Variants in RAB3B observed in about 807,000 individuals in gnomAD.
The protein encoded by RAB3B is ras-related protein Rab-3B.
In RAB3B, 11 loss-of-function variants were observed where a neutral mutation model predicts 20.5. The observed-to-expected ratio is 0.54, with a 90% CI of 0.34 to 0.89. RAB3B has a LOEUF of 0.89. Ranked by LOEUF, RAB3B falls within the 40% of genes least tolerant of loss-of-function variation. RAB3B has a pLI of 0.02. For synonymous variants in RAB3B, 99 were observed against 106.3 expected, an observed-to-expected ratio of 0.93 and a Z score of 0.42; for missense variants, 225 against 280.9, an observed-to-expected ratio of 0.80 and a Z score of 1.42.
intron 4 of RAB3B, among the ~76,000 whole-genome samples, chr1:51,922,198 T>C (rs1447746970): frequency 1.3e-5 from 2 of 152,224 alleles, no homozygotes; most frequent in East Asian, 1.9e-4. Context: ...CCCCAGTCTT[T>C]GACTGCCTTA....
Position 51,914,526 on chromosome 1 carries a change from C to T in RAB3B, c.*5401G>A, listed in dbSNP as rs1222623505. On this transcript the variant is annotated 3_prime_UTR_variant, in exon 5 of 5. Transcript: ENST00000371655. Reference sequence around the variant, plus strand: ...AAGAACTGTGTCTAATTTGCCACTACTTGTATCCTGGCACATAATATATAT... The same window carrying T: ...AAGAACTGTGTCTAATTTGCCACTATTTGTATCCTGGCACATAATATATAT... 1 of 152,158 alleles carries T rather than the reference C, an allele frequency of 6.6e-6. No individual in the cohort carries two copies. The highest frequency in any genetic ancestry group is 1.5e-5 in the Non-Finnish European group (1 of 68,038). 9.4% of individuals were successfully genotyped at this position (152,158 alleles called of 1,614,324 possible).
At chr1:51,939,823 C>T (rs904199829) in intron 2 of RAB3B, among the ~76,000 whole-genome samples, 2 of 152,182 alleles carry the variant, frequency 1.3e-5, no homozygotes, top group Non-Finnish European at 2.9e-5. Context: ...GATCCTCCTG[C>T]CTCAGCCTCC....
In RAB3B at chr1:51,913,329, A is replaced by G. The variant is rs764295787; in HGVS notation, c.*6598T>C. The G allele has an allele frequency of 6.6e-6, 1 of 152,174 alleles. No individual in the cohort carries two copies. The highest frequency in any genetic ancestry group is 1.5e-5 in the Non-Finnish European group (1 of 68,050). The allele number at this position is 152,174 out of a possible 1,614,324, so 9.4% of individuals were successfully genotyped here. The stretch of plus-strand genomic sequence containing the variant: ...ACAGTTTTGCCACTTGTCTTTGGTG[A>G]TATCATCGGAGCCATGTTTTAAGAC... On this transcript the variant is annotated 3_prime_UTR_variant, in exon 5 of 5. Coordinates refer to ENST00000371655, the MANE Select transcript of RAB3B (RefSeq NM_002867.4).
intron 2 of RAB3B, among the ~76,000 whole-genome samples, chr1:51,970,876 T>C (rs1288708068): frequency 1.3e-5 from 2 of 151,500 alleles, no homozygotes; most frequent in Non-Finnish European, 2.9e-5. Context: ...CTGGGCTTGG[T>C]GGCTGGGACC....
At chr1:51,972,489 CTT>C (rs1160625371) in intron 2 of RAB3B, among the ~76,000 whole-genome samples, 54 of 130,820 alleles carry the variant, frequency 4.1e-4, no homozygotes, top group Non-Finnish European at 5.4e-4. Flanking sequence ...TTTCTTTTTT[CTT>C]TTTTTTTTTT....
chr1:51,954,656 T>C (rs1419031699), intron 2 of RAB3B, among the ~76,000 whole-genome samples: 1 of 152,144 alleles, frequency 6.6e-6, no homozygotes, highest in Non-Finnish European at 1.5e-5. Context: ...TGTTTGAAAT[T>C]TTCCATAATA....
chr1:51,924,114 G>A (rs2124235837), intron 4 of RAB3B, among the ~76,000 whole-genome samples: 1 of 152,262 alleles, frequency 6.6e-6, no homozygotes, highest in East Asian at 1.9e-4. Context: ...TTGAATTAAG[G>A]AGGTGGGAAT....
chr1:51,965,720 C>G (rs1009422301), intron 2 of RAB3B, among the ~76,000 whole-genome samples: 1 of 151,120 alleles, frequency 6.6e-6, no homozygotes, highest in Non-Finnish European at 1.5e-5. Context: ...AAATGCAATA[C>G]GGTATCTTGG....
At chr1:51,960,447 G>C (rs1423991136) in intron 2 of RAB3B, among the ~76,000 whole-genome samples, 1 of 152,206 alleles carries the variant, frequency 6.6e-6, no homozygotes, top group African/African-American at 2.4e-5. Flanking sequence ...AGACTTCACA[G>C]AGGAAGGTGA....
chr1:51,975,144 G>A (rs1684990902), intron 2 of RAB3B, among the ~76,000 whole-genome samples: 1 of 152,230 alleles, frequency 6.6e-6, no homozygotes, highest in Non-Finnish European at 1.5e-5. Context: ...AACCCAAGAG[G>A]TGGAAATTGC....
rs1684023912 is a variant in RAB3B at position 51,912,730 on chromosome 1, T to C, written c.*7197A>G. ...GTGGCCTGGACCAAGGTCATGCCAA[T>C]GAAAATGGAGAAAAATGATCAGATT... On this transcript the variant is annotated 3_prime_UTR_variant, in exon 5 of 5. Coordinates refer to ENST00000371655, the MANE Select transcript of RAB3B (RefSeq NM_002867.4). 6.6e-6 allele frequency: 1 copy of C among 150,688 alleles called. No individual in the cohort carries two copies. The highest frequency in any genetic ancestry group is 1.5e-5 in the Non-Finnish European group (1 of 67,746). The allele number at this position is 150,688 out of a possible 1,614,324, so 9.3% of individuals were successfully genotyped here.
intron 1 of RAB3B, among the ~76,000 whole-genome samples, chr1:51,988,404 C>T (rs1685177444): frequency 1.3e-5 from 2 of 152,204 alleles, no homozygotes; most frequent in South Asian, 4.1e-4. Flanking sequence ...AAATGTCTAG[C>T]ATTCTACAAG....
Position 51,959,295 on chromosome 1 carries a change from G to A in RAB3B, c.228+17595C>T, listed in dbSNP as rs149386892. Among the ~76,000 whole-genome samples the A allele has an allele frequency of 1.1e-3, 168 of 152,222 alleles. 2 individuals carry two copies. The South Asian group carries it at 0.034, about 31-fold the overall frequency. Reference sequence around the variant, plus strand: ...AGCACTTTAGGAGGCCTCGGCAGGAGGATCACTTGAGCCCAGGAGTTCAAG... The same window carrying A: ...AGCACTTTAGGAGGCCTCGGCAGGAAGATCACTTGAGCCCAGGAGTTCAAG... On this transcript the variant is annotated intron_variant, in intron 2 of 4. Coordinates refer to ENST00000371655, the MANE Select transcript of RAB3B (RefSeq NM_002867.4).
intron 2 of RAB3B, among the ~76,000 whole-genome samples, chr1:51,968,232 C>T (rs1244987863): frequency 6.6e-6 from 1 of 152,140 alleles, no homozygotes; most frequent in African/African-American, 2.4e-5. Flanking sequence ...CTTAGACTTC[C>T]GACCTCCAGA....
chr1:51,923,745 CA>C (rs1226229790), intron 4 of RAB3B, among the ~76,000 whole-genome samples: 5 of 149,118 alleles, frequency 3.4e-5, no homozygotes, highest in Non-Finnish European at 5.9e-5. Context: ...CAGAACTGAG[CA>C]AAACTGGCTA....
intron 2 of RAB3B, among the ~76,000 whole-genome samples, chr1:51,941,673 C>T (rs1412798004): frequency 2.0e-5 from 3 of 152,210 alleles, no homozygotes; most frequent in Non-Finnish European, 4.4e-5. Flanking sequence ...AACCTTACTC[C>T]ATAAAACAAA....
At chr1:51,960,631 T>C (rs2124288878) in intron 2 of RAB3B, among the ~76,000 whole-genome samples, 1 of 152,218 alleles carries the variant, frequency 6.6e-6, no homozygotes, top group Non-Finnish European at 1.5e-5. Context: ...TAGCAACACA[T>C]CAGGCAGGTT....
intron 1 of RAB3B, among the ~76,000 whole-genome samples, chr1:51,988,403 G>A (rs1033718692): frequency 6.6e-6 from 1 of 152,172 alleles, no homozygotes; most frequent in Admixed American, 6.5e-5. Flanking sequence ...TAAATGTCTA[G>A]CATTCTACAA....
intron 3 of RAB3B, among the ~76,000 whole-genome samples, chr1:51,934,554 G>A (rs1384050685): frequency 6.6e-6 from 1 of 151,990 alleles, no homozygotes; most frequent in Non-Finnish European, 1.5e-5. Context: ...GGCGGACCAC[G>A]AGGTCAGGAG....
Sources: allele counts gnomAD v4.1 joint callset (sites outside exome capture counted in the v4.1 genomes callset), GRCh38; gene constraint gnomAD v4.1.1; transcripts MANE v1.5; gene names NCBI Gene and HGNC (gene_info 2026-07-23, HGNC 2026-07-21).